PALD1: variants seen among roughly 807,000 people sequenced by gnomAD.
The protein encoded by PALD1 is paladin.
In PALD1, 57 loss-of-function variants were observed where a neutral mutation model predicts 96.0. The ratio of observed to expected loss-of-function variants is 0.59; its 90% confidence interval spans 0.48 to 0.74. The LOEUF is 0.74. Among genes scored for constraint, PALD1 ranks in the 30% least tolerant of loss-of-function variants. PALD1 has a pLI of 0.00. For synonymous variants in PALD1, 464 were observed against 473.6 expected, an observed-to-expected ratio of 0.98 and a Z score of 0.26; for missense variants, 1,063 against 1,143.7, an observed-to-expected ratio of 0.93 and a Z score of 1.02.
chr10:70,517,420 C>T (rs1412424403), intron 1 of PALD1, among the ~76,000 whole-genome samples: 1 of 150,812 alleles, frequency 6.6e-6, no homozygotes, highest in African/African-American at 2.4e-5. Flanking sequence ...CAGCTCACTG[C>T]AGCCTCCGTC....
intron 1 of PALD1, among the ~76,000 whole-genome samples, chr10:70,499,318 A>G (rs1295830379): frequency 1.3e-5 from 2 of 152,246 alleles, no homozygotes; most frequent in East Asian, 3.9e-4. Flanking sequence ...CTGAGTGTGG[A>G]GCTGATTGGT....
chr10:70,475,992 T>C (rs956434140), upstream of PALD1, among the ~76,000 whole-genome samples: 139 of 152,290 alleles, frequency 9.1e-4, no homozygotes, highest in African/African-American at 3.1e-3. Flanking sequence ...CAAACATGGA[T>C]CCCTGCAAAT....
intron 18 of PALD1, among the ~76,000 whole-genome samples, chr10:70,556,302 C>CTCTCTCTCTCTG (rs1213631246): frequency 8.7e-5 from 12 of 137,390 alleles, no homozygotes; most frequent in African/African-American, 3.5e-4. Flanking sequence ...CTCTCTCTCT[C>CTCTCTCTCTCTG]TCTCTGTCTC....
At chr10:70,561,441 T>A (rs1207916902) in intron 18 of PALD1, among the ~76,000 whole-genome samples, 7 of 152,120 alleles carry the variant, frequency 4.6e-5, no homozygotes, top group African/African-American at 1.7e-4. Flanking sequence ...GCCTAAGGGG[T>A]GGGGTGGAGA....
chr10:70,458,607 G>A, the PALD1 span, among the ~76,000 whole-genome samples: 49 of 152,316 alleles, frequency 3.2e-4, no homozygotes, highest in African/African-American at 1.1e-3. Flanking sequence ...TCGCCGCCAA[G>A]GGGGACCCGC....
At chr10:70,499,082 T>C (rs1400714461) in intron 1 of PALD1, among the ~76,000 whole-genome samples, 1 of 152,134 alleles carries the variant, frequency 6.6e-6, no homozygotes, top group Non-Finnish European at 1.5e-5. Flanking sequence ...CCCTATGAAG[T>C]AGGTATTAAC....
At chr10:70,478,151 C>T (rs1034141667), upstream of PALD1, among the ~76,000 whole-genome samples, 1 of 152,180 alleles carries the variant, frequency 6.6e-6, no homozygotes, top group Non-Finnish European at 1.5e-5. Flanking sequence ...TCCCCTCTCA[C>T]CTCTGGGGGC....
intron 10 of PALD1, among the ~76,000 whole-genome samples, chr10:70,535,138 G>A (rs989319160): frequency 1.3e-5 from 2 of 152,176 alleles, no homozygotes; most frequent in Non-Finnish European, 2.9e-5. Context: ...TACTCCCCAG[G>A]CCACTCATGG....
At chr10:70,549,095 G>A (rs1847427975) in intron 18 of PALD1, among the ~76,000 whole-genome samples, 1 of 151,582 alleles carries the variant, frequency 6.6e-6, no homozygotes, top group Non-Finnish European at 1.5e-5. Context: ...GGAGGGGAAG[G>A]TGGTTAAGGA....
chr10:70,560,925 G>C (rs1379921403), intron 18 of PALD1, among the ~76,000 whole-genome samples: 1 of 95,706 alleles, frequency 1.0e-5, no homozygotes, highest in Non-Finnish European at 2.4e-5. Context: ...TCCTCCCCAG[G>C]CAGTGTGCTA....
intron 5 of PALD1, among the ~76,000 whole-genome samples, chr10:70,531,673 C>T (rs1005875434): frequency 1.2e-4 from 18 of 152,050 alleles, no homozygotes; most frequent in Non-Finnish European, 2.5e-4. Flanking sequence ...CCCTGCTTGT[C>T]TCCTTGATGC....
chr10:70,504,209 G>A (rs904027784), intron 1 of PALD1, among the ~76,000 whole-genome samples: 5 of 152,214 alleles, frequency 3.3e-5, no homozygotes, highest in Admixed American at 1.3e-4. Flanking sequence ...CTACCACACT[G>A]GAAATTGAAA....
At chr10:70,468,131 G>C in the PALD1 span, among the ~76,000 whole-genome samples, 1 of 152,202 alleles carries the variant, frequency 6.6e-6, no homozygotes, top group African/African-American at 2.4e-5. Flanking sequence ...GTTTCCAGAA[G>C]CCTGGTCAGG....
chr10:70,472,050 T>C, the PALD1 span, among the ~76,000 whole-genome samples: 1 of 152,140 alleles, frequency 6.6e-6, no homozygotes, highest in Non-Finnish European at 1.5e-5. Flanking sequence ...CCCCTCCAAG[T>C]GCCCACTAGC....
At chr10:70,533,230 G>C (rs1009126144) in intron 7 of PALD1, among the ~76,000 whole-genome samples, 160 bp downstream of exon 7, 2 of 152,098 alleles carry the variant, frequency 1.3e-5, no homozygotes, top group Non-Finnish European at 2.9e-5. Flanking sequence ...GTCTGTCTCT[G>C]TATATGTCTG....
chr10:70,534,880 C>G (rs374961708), intron 10 of PALD1, 37 bp downstream of exon 10: 1 of 1,331,966 alleles, frequency 7.5e-7, no homozygotes, highest in African/African-American at 1.4e-5. Context: ...CTCTGCTTCT[C>G]TGTGAGCCCT....
chr10:70,566,751 C>G lies in PALD1; in HGVS notation c.*18C>G. On this transcript the variant is annotated 3_prime_UTR_variant, in exon 20 of 20. Transcript: ENST00000263563. ...TGCTGTAGGGGGCCTTACTCCCTGT[C>G]CCCCCACCCACAGGGCCCCACGCAG... The G allele has an allele frequency of 1.3e-6, 2 of 1,538,196 alleles. No individual in the cohort carries two copies. The highest frequency in any genetic ancestry group is 1.8e-6 in the Non-Finnish European group (2 of 1,132,712).
chr10:70,527,851 C>T (rs971098234), intron 2 of PALD1, among the ~76,000 whole-genome samples: 20 of 152,158 alleles, frequency 1.3e-4, no homozygotes, highest in Non-Finnish European at 7.4e-5. Context: ...CACATATGCA[C>T]ACATGTGCCA....
intron 1 of PALD1, among the ~76,000 whole-genome samples, chr10:70,486,781 AC>A (rs1279724527): frequency 6.6e-6 from 1 of 151,928 alleles, no homozygotes; most frequent in Non-Finnish European, 1.5e-5. Flanking sequence ...ACAAAACAAA[AC>A]AAAAAACCTC....
Sources: gnomAD v4.1 joint callset for allele counts (sites outside exome capture counted in the v4.1 genomes callset) on GRCh38, gnomAD v4.1.1 for gene constraint, MANE v1.5 for transcripts, NCBI Gene and HGNC (gene_info 2026-07-23, HGNC 2026-07-21) for gene names.